The following ARHGEF18 variants were observed in gnomAD, a reference collection of about 807,000 sequenced individuals.
ARHGEF18 encodes the protein Rho/Rac guanine nucleotide exchange factor 18, also known as rho guanine nucleotide exchange factor 18.
In ARHGEF18, 93 loss-of-function variants were observed where a neutral mutation model predicts 155.7. That is an observed-to-expected ratio of 0.60 (90% CI 0.50 to 0.71). ARHGEF18 has a LOEUF of 0.71. Among genes scored for constraint, ARHGEF18 ranks in the 30% least tolerant of loss-of-function variants. The pLI is 0.00. For synonymous variants in ARHGEF18, 742 were observed against 753.1 expected (o/e 0.99, Z 0.24); for missense variants, 1,593 against 1,816.1 (o/e 0.88, Z 2.23).
chr19:7,375,088 G>A (rs1429638449), intron 3 of ARHGEF18, among the ~76,000 whole-genome samples: 1 of 152,000 alleles, frequency 6.6e-6, no homozygotes, highest in Non-Finnish European at 1.5e-5. Flanking sequence ...CCTGGCTAAT[G>A]TGGTGAAACC....
intron 5 of ARHGEF18, 26 bp from the exon 6 acceptor site, chr19:7,378,368 T>G: frequency 8.1e-7 from 1 of 1,233,956 alleles, no homozygotes; most frequent in Non-Finnish European, 1.0e-6. Context: ...ACAACTGTGC[T>G]TCCTGGGATG....
Position 7,440,485 on chromosome 19 carries a change from A to G in ARHGEF18, c.1106+3A>G. The G allele has an allele frequency of 1.3e-6, 2 of 1,595,564 alleles. No homozygotes were observed. Among genetic ancestry groups the G allele is most frequent in the Non-Finnish European group, 1.7e-6 (2 of 1,177,542 alleles). ...GCTGGCCCTGGGACGCAACTCGGGT[A>G]AGCCAGGGTCCCCTCTGTGCCCTCG... On this transcript the variant is annotated splice_donor_region_variant and intron_variant, in intron 11 of 28. Transcript: ENST00000668164. This position sits in a 1 kb window ranked among gnomAD's most constrained non-coding sequence, Gnocchi z 5.4.
chr19:7,376,769 G>A lies in ARHGEF18; in HGVS notation c.541+12G>A. 1.6e-6 allele frequency: 2 copies of A among 1,232,590 alleles called. No homozygotes were observed. The highest frequency in any genetic ancestry group is 2.0e-6 in the Non-Finnish European group (2 of 986,596). 76.4% of individuals were successfully genotyped at this position (1,232,590 alleles called of 1,614,324 possible). ...TCCACCTGTTCAAGGTAGCCAGCCTGGGAGTTTCCTTCATTCAAACCAAGT... is the reference window on the plus strand; with the variant it reads ...TCCACCTGTTCAAGGTAGCCAGCCTAGGAGTTTCCTTCATTCAAACCAAGT... On this transcript the variant is annotated intron_variant, in intron 5 of 28. Coordinates refer to ENST00000668164, the MANE Select transcript of ARHGEF18 (RefSeq NM_001367823.1).
intron 10 of ARHGEF18, among the ~76,000 whole-genome samples, chr19:7,386,061 C>G (rs1048648853): frequency 6.8e-6 from 1 of 147,358 alleles, no homozygotes; most frequent in Non-Finnish European, 1.5e-5. Flanking sequence ...CCGCCACCCC[C>G]GGGGCTGGAG....
Position 7,468,832 on chromosome 19 carries a change from C to A in ARHGEF18, c.3488C>A (p.Pro1163His). The A allele has an allele frequency of 1.3e-6, 2 of 1,554,916 alleles. No homozygotes were observed. Among genetic ancestry groups the A allele is most frequent in the Non-Finnish European group, 1.7e-6 (2 of 1,146,104 alleles). ...LPPDTLAEAQ[P>H]PSHPPSFNGE... Reference sequence around the variant, plus strand: ...CTGCTGTTGTCCCCTCAGGCCCAGCCCCCAAGCCACCCTCCCAGCTTCAAC... The same window carrying A: ...CTGCTGTTGTCCCCTCAGGCCCAGCACCCAAGCCACCCTCCCAGCTTCAAC... Residue 1163 changes from proline to histidine, a missense_variant, in exon 27 of 29, where the codon CCC (proline) becomes CAC (histidine). Pro to His is a moderately conservative substitution (Grantham distance 77). Transcript: ENST00000668164.
chr19:7,372,963 G>A lies in ARHGEF18; in HGVS notation c.167G>A (p.Gly56Asp). 1.6e-6 allele frequency: 2 copies of A among 1,234,592 alleles called. No homozygotes were observed. Among genetic ancestry groups the A allele is most frequent in the Non-Finnish European group, 1.0e-6 (1 of 988,340 alleles). 76.5% of individuals were successfully genotyped at this position (1,234,592 alleles called of 1,614,324 possible). A position where few individuals can be genotyped will look rare whatever the true frequency, so the allele number is the denominator to read the frequency against. The change falls in exon 3 of 29, where the codon GGT becomes GAT. Residue 56 changes from glycine (G) to aspartate (D), a missense_variant. Coordinates refer to ENST00000668164, the MANE Select transcript of ARHGEF18 (RefSeq NM_001367823.1). The part of the protein sequence containing the change: ...PGETPDSRPT[G>D]EEPGRDSLFS... ...GAGACCCCAGACAGCCGCCCCACCGGTGAAGAACCAGGAAGAGATTCTCTT... is the reference window on the plus strand; with the variant it reads ...GAGACCCCAGACAGCCGCCCCACCGATGAAGAACCAGGAAGAGATTCTCTT...
downstream of ARHGEF18, chr19:7,477,396 T>A: frequency 6.5e-7 from 1 of 1,530,470 alleles, no homozygotes; most frequent in Non-Finnish European, 8.8e-7. Flanking sequence ...TCCGACTGCA[T>A]CTGCGCCTCC....
intron 10 of ARHGEF18, among the ~76,000 whole-genome samples, chr19:7,433,119 C>T (rs1974054925): frequency 6.6e-6 from 1 of 151,694 alleles, no homozygotes; most frequent in African/African-American, 2.4e-5. Context: ...TGTGATCATG[C>T]CACTGTACTC....
chr19:7,387,920 C>T (rs983461656), intron 10 of ARHGEF18, among the ~76,000 whole-genome samples: 5 of 151,092 alleles, frequency 3.3e-5, no homozygotes, highest in African/African-American at 7.3e-5. Context: ...CCACCTCAGC[C>T]TCCCAAAGTG....
In ARHGEF18 at chr19:7,470,051, T is replaced by C. The variant is rs904523404; in HGVS notation, c.3913+22T>C. The C allele has an allele frequency of 8.7e-6, 14 of 1,611,878 alleles. No homozygotes were observed. The highest frequency in any genetic ancestry group is 1.7e-4 in the Middle Eastern group (1 of 6,054). ...CCAGGTGAGCCCCCACCCCCTGACA[T>C]GAGCCCAGTCCCAGGGCAGCGGGGC... On this transcript the variant is annotated intron_variant, in intron 28 of 28. Coordinates refer to ENST00000668164, the MANE Select transcript of ARHGEF18 (RefSeq NM_001367823.1). The surrounding 1 kb of genome is among the most constrained non-coding windows in gnomAD (Gnocchi z 5.9).
At chr19:7,438,064 TCTCCCCTCCC>T (rs1252349919) in intron 10 of ARHGEF18, among the ~76,000 whole-genome samples, 1 of 82,102 alleles carries the variant, frequency 1.2e-5, no homozygotes, top group African/African-American at 5.6e-5. Context: ...TCTCTTCTCT[TCTCCCCTCCC>T]CTCCCCTCCC....
intron 10 of ARHGEF18, among the ~76,000 whole-genome samples, chr19:7,419,252 C>T (rs139716391): frequency 0.012 from 1,403 of 120,658 alleles, 118 homozygotes; most frequent in African/African-American, 0.065. Context: ...TACCCACACT[C>T]GGCCTCCGCA....
At chr19:7,372,137 C>T (rs1303321594) in intron 2 of ARHGEF18, among the ~76,000 whole-genome samples, 1 of 152,218 alleles carries the variant, frequency 6.6e-6, no homozygotes. Flanking sequence ...CACCTACCCA[C>T]CAAACCCTGT....
downstream of ARHGEF18, chr19:7,477,156 G>C (rs1401389930): frequency 7.2e-7 from 1 of 1,392,888 alleles, no homozygotes; most frequent in Non-Finnish European, 9.4e-7. Context: ...TTGCGGGAAG[G>C]GCCCTCCGTG....
Position 7,458,573 on chromosome 19 carries a change from A to T in ARHGEF18, c.2243A>T (p.Glu748Val). The change falls in exon 19 of 29, where the codon GAG becomes GTG. Residue 748 changes from glutamate to valine, a missense_variant. Transcript: ENST00000668164. ...KLIVREVANE[E>V]KAMFLISASL... ...ATCGTGAGGGAAGTGGCCAACGAGG[A>T]GAAAGCGATGTTTCTGATCAGCGCC... 1 of 1,614,150 alleles carries T rather than the reference A, an allele frequency of 6.2e-7. No homozygotes were observed. The highest frequency in any genetic ancestry group is 1.1e-5 in the South Asian group (1 of 91,090).
At chr19:7,456,269 A>G (rs2145856441) in intron 17 of ARHGEF18, 58 bp from the exon 18 acceptor site, 3 of 1,552,508 alleles carry the variant, frequency 1.9e-6, no homozygotes, top group Non-Finnish European at 2.7e-6. Context: ...GGGGGTGGCC[A>G]GCAAGACCTC....
At position 7,462,030 on chromosome 19, in the gene ARHGEF18, G is replaced by GGGGGCAGCCTACCTCAGGGCA; in HGVS notation, c.2453-118_2453-98dup. The GGGGGCAGCCTACCTCAGGGCA allele has an allele frequency of 9.1e-7, 1 of 1,093,868 alleles. No individual in the cohort carries two copies. Among genetic ancestry groups the GGGGGCAGCCTACCTCAGGGCA allele is most frequent in the Non-Finnish European group, 1.4e-6 (1 of 733,380 alleles). 67.8% of individuals were successfully genotyped at this position (1,093,868 alleles called of 1,614,324 possible). ...TACCTCCCAGGAATGCAGGACACAA[G>GGGGGCAGCCTACCTCAGGGCA]GGGGCAGCCTACCTCAGGGCAGGGC... On this transcript the variant is annotated intron_variant, in intron 20 of 28. Coordinates refer to ENST00000668164, the MANE Select transcript of ARHGEF18 (RefSeq NM_001367823.1). This position sits in a 1 kb window ranked among gnomAD's most constrained non-coding sequence, Gnocchi z 4.4.
chr19:7,456,697 C>T (rs906778996), intron 18 of ARHGEF18, among the ~76,000 whole-genome samples: 8 of 152,092 alleles, frequency 5.3e-5, no homozygotes, highest in Non-Finnish European at 7.4e-5. Context: ...AGCAAGACTG[C>T]GCCACTGCTC....
rs1431469926 is a variant in ARHGEF18, at chr19:7,449,195, G to A, written c.1738-1954G>A. On this transcript the variant is annotated intron_variant, in intron 15 of 28. Coordinates refer to ENST00000668164, the MANE Select transcript of ARHGEF18 (RefSeq NM_001367823.1). ...TCCCTCAAATGCATACAAGAGCAGC[G>A]GGAGCAAACAAGCAGAAAATGTGCT... is the stretch of plus-strand genomic sequence containing the variant. Among the ~76,000 whole-genome samples, 5 of 152,114 alleles carry A rather than the reference G, an allele frequency of 3.3e-5. No homozygotes were observed. In the South Asian group the frequency reaches 8.3e-4, roughly 25 times the overall value.
Sources: allele counts gnomAD v4.1 joint callset (sites outside exome capture counted in the v4.1 genomes callset), GRCh38; gene constraint gnomAD v4.1.1; non-coding constraint Gnocchi (gnomAD v3.1); transcripts MANE v1.5; gene names NCBI Gene and HGNC (gene_info 2026-07-23, HGNC 2026-07-21).